Variants in PCGF5 observed in about 807,000 individuals in gnomAD.
PCGF5 encodes the protein polycomb group RING finger protein 5.
A neutral mutation model predicts 44.3 loss-of-function variants in PCGF5; 9 were observed. That is an observed-to-expected ratio of 0.20 (90% CI 0.12 to 0.35). The LOEUF (loss-of-function observed/expected upper bound fraction) is 0.35. PCGF5 is among the 10% of genes least tolerant of loss of function. PCGF5 has a pLI of 1.00. For synonymous variants in PCGF5, 95 were observed against 102.5 expected, an observed-to-expected ratio of 0.93 and a Z score of 0.44; for missense variants, 146 against 305.3, an observed-to-expected ratio of 0.48 and a Z score of 3.89.
intron 2 of PCGF5, among the ~76,000 whole-genome samples, chr10:91,232,980 G>C (rs973897521): frequency 1.3e-5 from 2 of 152,154 alleles, no homozygotes; most frequent in African/African-American, 2.4e-5. Flanking sequence ...CTTCCACAAA[G>C]TTCCACTGTA....
chr10:91,190,347 C>T (rs866493573), intron 1 of PCGF5, among the ~76,000 whole-genome samples: 19 of 152,340 alleles, frequency 1.2e-4, no homozygotes, highest in South Asian at 4.1e-4. Context: ...ATTCAGACCA[C>T]AGCAGTAAGT....
intron 9 of PCGF5, among the ~76,000 whole-genome samples, chr10:91,275,468 A>G (rs1263394630): frequency 6.6e-6 from 1 of 150,980 alleles, no homozygotes; most frequent in Non-Finnish European, 1.5e-5. Flanking sequence ...TTGAGATGGA[A>G]TCTTGCTCTG....
chr10:91,170,406 A>G (rs1294951866), intron 1 of PCGF5, among the ~76,000 whole-genome samples: 1 of 152,206 alleles, frequency 6.6e-6, no homozygotes, highest in African/African-American at 2.4e-5. Context: ...TATACAAGGA[A>G]CTCTTAAAAC....
At chr10:91,195,466 GCATGCATATATATATATAT>G (rs1203085401) in intron 1 of PCGF5, among the ~76,000 whole-genome samples, 135 of 98,934 alleles carry the variant, frequency 1.4e-3, no homozygotes, top group African/African-American at 4.3e-3. Flanking sequence ...ATATATATAT[GCATGCATATATATATATAT>G]AGAGAGAGAG....
intron 9 of PCGF5, among the ~76,000 whole-genome samples, chr10:91,274,856 C>T (rs978758695): frequency 6.6e-5 from 10 of 151,986 alleles, no homozygotes; most frequent in South Asian, 2.1e-4. Flanking sequence ...GGCTGGAGCA[C>T]GACAGTGCAG....
intron 1 of PCGF5, among the ~76,000 whole-genome samples, chr10:91,177,060 A>T (rs1381429228): frequency 3.3e-5 from 5 of 152,136 alleles, no homozygotes; most frequent in African/African-American, 1.2e-4. Context: ...GTCTTTGATG[A>T]TGGTGACGTA....
In PCGF5 at chr10:91,281,737, A is replaced by G. The variant is rs1334584586; in HGVS notation, c.*3421A>G. 1 of 152,484 alleles carries G rather than the reference A, an allele frequency of 6.6e-6. No individual in the cohort carries two copies. Among genetic ancestry groups the G allele is most frequent in the African/African-American group, 2.4e-5 (1 of 41,466 alleles). The allele number at this position is 152,484 out of a possible 1,614,324, so 9.4% of individuals were successfully genotyped here. ...TAATTGCTAAAATATCACCAAAGAA[A>G]GGCTTTAAACTGAATTTTCTTGGTG... is the stretch of plus-strand genomic sequence containing the variant. On this transcript the variant is annotated 3_prime_UTR_variant, in exon 10 of 10. Transcript: ENST00000336126.
intron 3 of PCGF5, among the ~76,000 whole-genome samples, chr10:91,241,708 CTAGA>C (rs1845332329): frequency 6.6e-6 from 1 of 151,858 alleles, no homozygotes; most frequent in African/African-American, 2.4e-5. Context: ...AAAGATAGAG[CTAGA>C]TAGTCTCTGG....
At chr10:91,197,687 C>CT (rs1474777949) in intron 1 of PCGF5, among the ~76,000 whole-genome samples, 1 of 113,544 alleles carries the variant, frequency 8.8e-6, no homozygotes, top group Non-Finnish European at 2.4e-5. Context: ...TCTTTACTGA[C>CT]TCCTCTGTCA....
intron 3 of PCGF5, among the ~76,000 whole-genome samples, chr10:91,246,785 TA>T (rs1474427703): frequency 2.0e-5 from 3 of 151,936 alleles, no homozygotes; most frequent in African/African-American, 7.3e-5. Flanking sequence ...AAATTTAGTT[TA>T]AAAAAAGCGA....
intron 1 of PCGF5, among the ~76,000 whole-genome samples, chr10:91,200,835 G>A (rs1482954198): frequency 1.3e-5 from 2 of 152,160 alleles, no homozygotes; most frequent in African/African-American, 2.4e-5. Flanking sequence ...GGTGTTGAGA[G>A]CATTCAATGA....
At chr10:91,169,037 G>A (rs1203037780) in intron 1 of PCGF5, among the ~76,000 whole-genome samples, 1 of 151,626 alleles carries the variant, frequency 6.6e-6, no homozygotes, top group South Asian at 2.1e-4. Context: ...GAGGGAGGAC[G>A]TAGGAGGGCA....
chr10:91,249,040 A>G (rs1845548981), intron 5 of PCGF5, among the ~76,000 whole-genome samples: 1 of 152,092 alleles, frequency 6.6e-6, no homozygotes, highest in African/African-American at 2.4e-5. Flanking sequence ...GAAGTAAGAA[A>G]TAGCCACAGC....
chr10:91,238,502 G>C (rs1164668290), intron 2 of PCGF5, among the ~76,000 whole-genome samples: 5 of 150,574 alleles, frequency 3.3e-5, no homozygotes, highest in Non-Finnish European at 7.4e-5. Context: ...TTGCCAACCC[G>C]TTGAGTACAA....
intron 1 of PCGF5, among the ~76,000 whole-genome samples, chr10:91,175,312 AT>A (rs988921559): frequency 6.6e-6 from 1 of 152,210 alleles, no homozygotes. Context: ...ATTTAATGAA[AT>A]TCGGCTCACA....
At position 91,257,541 on chromosome 10, in the gene PCGF5, G is replaced by T. The variant is rs986917557; in HGVS notation, c.475-3785G>T. 2.6e-5 allele frequency among the ~76,000 whole-genome samples: 4 copies of T among 151,912 alleles called. No homozygotes were observed. The South Asian group carries it at 6.2e-4, about 24-fold the overall frequency. On this transcript the variant is annotated intron_variant, in intron 6 of 9. Transcript: ENST00000336126. ...GTACCAAATAATCCTGTATATACTG[G>T]TTTTTTTAATTTGATAACTGAGATA...
At chr10:91,251,139 T>C (rs1002267656) in intron 5 of PCGF5, among the ~76,000 whole-genome samples, 153 bp from the exon 6 acceptor site, 1 of 151,530 alleles carries the variant, frequency 6.6e-6, no homozygotes, top group Non-Finnish European at 1.5e-5. Context: ...ATTGCTGAGT[T>C]GGTTGGAACA....
chr10:91,188,071 C>T lies in PCGF5; in HGVS notation c.-184+24990C>T, dbSNP rs187743236. On this transcript the variant is annotated intron_variant, in intron 1 of 9. Coordinates refer to the PCGF5 transcript ENST00000614189. ...ATACATGTGCCATGCTGGTGTGCTG[C>T]ACCCGTTAACTCCCCCGAACAGGAA... 5.6e-4 allele frequency among the ~76,000 whole-genome samples: 86 copies of T among 152,220 alleles called. No homozygotes were observed. The East Asian group carries it at 0.015, about 27-fold the overall frequency.
rs1192609844 is a variant in PCGF5 at position 91,283,318 on chromosome 10, A to T, written c.*5002A>T. The stretch of plus-strand genomic sequence containing the variant: ...TAAATGCTCATTCAAATGTGTCTGT[A>T]TACTTGCTATGCCCCTTTTTCTATA... On this transcript the variant is annotated 3_prime_UTR_variant, in exon 10 of 10. Coordinates refer to ENST00000336126, the MANE Select transcript of PCGF5 (RefSeq NM_032373.5). 6.6e-6 allele frequency: 1 copy of T among 152,222 alleles called. No homozygotes were observed. Among genetic ancestry groups the T allele is most frequent in the Non-Finnish European group, 1.5e-5 (1 of 68,032 alleles). The allele number at this position is 152,222 out of a possible 1,614,324, so 9.4% of individuals were successfully genotyped here. A position where few individuals can be genotyped will look rare whatever the true frequency, so the allele number is the denominator to read the frequency against.
Sources: allele counts gnomAD v4.1 joint callset (sites outside exome capture counted in the v4.1 genomes callset), GRCh38; gene constraint gnomAD v4.1.1; transcripts MANE v1.5; gene names NCBI Gene and HGNC (gene_info 2026-07-23, HGNC 2026-07-21).